The following SIPA1L1 variants were observed in gnomAD, a reference collection of about 807,000 sequenced individuals.
SIPA1L1 encodes the protein signal induced proliferation associated 1 like 1.
A neutral mutation model predicts 162.7 loss-of-function variants in SIPA1L1; 26 were observed. That is an observed-to-expected ratio of 0.16 (90% CI 0.12 to 0.22). The LOEUF (loss-of-function observed/expected upper bound fraction) is 0.22. SIPA1L1 is among the 10% of genes least tolerant of loss of function. The pLI, the probability that SIPA1L1 is intolerant of heterozygous loss-of-function variation, is 1.00. For synonymous variants in SIPA1L1, 829 were observed against 837.4 expected (o/e 0.99, Z 0.17); for missense variants, 1,874 against 2,241.0 (o/e 0.84, Z 3.31).
intron 2 of SIPA1L1, among the ~76,000 whole-genome samples, chr14:71,475,082 T>C (rs1025466150): frequency 6.6e-6 from 1 of 152,226 alleles, no homozygotes; most frequent in East Asian, 1.9e-4. Context: ...CCCTGTTTAT[T>C]GTTGACATGT....
intron 2 of SIPA1L1, among the ~76,000 whole-genome samples, chr14:71,344,057 C>T (rs2035916446): frequency 6.6e-6 from 1 of 152,184 alleles, no homozygotes; most frequent in African/African-American, 2.4e-5. Context: ...AAGGAAAAAA[C>T]ATTTTTTTTG....
chr14:71,719,773 T>C (rs184397873), intron 17 of SIPA1L1, among the ~76,000 whole-genome samples: 2 of 152,312 alleles, frequency 1.3e-5, no homozygotes, highest in Non-Finnish European at 2.9e-5. Context: ...ATTACAGACA[T>C]GAGACACTGC....
intron 2 of SIPA1L1, among the ~76,000 whole-genome samples, chr14:71,336,547 G>A (rs1198174739): frequency 6.6e-6 from 1 of 152,098 alleles, no homozygotes; most frequent in African/African-American, 2.4e-5. Context: ...TGGTGGTAAT[G>A]TTACAGATTT....
At chr14:71,436,722 T>G (rs1000901233) in intron 2 of SIPA1L1, among the ~76,000 whole-genome samples, 1 of 151,970 alleles carries the variant, frequency 6.6e-6, no homozygotes, top group African/African-American at 2.4e-5. Context: ...TCATTGTTCT[T>G]GTTTATTTTC....
intron 2 of SIPA1L1, among the ~76,000 whole-genome samples, chr14:71,365,657 C>T (rs1222781047): frequency 6.6e-6 from 1 of 151,838 alleles, no homozygotes; most frequent in Non-Finnish European, 1.5e-5. Context: ...TGCATTCTTC[C>T]TTCAACTATG....
chr14:71,559,584 A>G (rs1403612147), intron 4 of SIPA1L1, among the ~76,000 whole-genome samples: 1 of 152,184 alleles, frequency 6.6e-6, no homozygotes, highest in African/African-American at 2.4e-5. Context: ...ACACTGTAAC[A>G]TTTTCTTTAC....
intron 4 of SIPA1L1, among the ~76,000 whole-genome samples, chr14:71,555,252 A>G (rs898084676): frequency 2.0e-5 from 3 of 152,316 alleles, no homozygotes; most frequent in Admixed American, 2.0e-4. Flanking sequence ...TAGTCACCTT[A>G]TCAATCATTT....
At chr14:71,460,036 A>G (rs1412924909) in intron 2 of SIPA1L1, among the ~76,000 whole-genome samples, 5 of 152,244 alleles carry the variant, frequency 3.3e-5, no homozygotes, top group Non-Finnish European at 5.9e-5. Flanking sequence ...TAATACATAA[A>G]TGCTGATATG....
At chr14:71,371,052 A>G (rs1309564181) in intron 2 of SIPA1L1, among the ~76,000 whole-genome samples, 3 of 152,076 alleles carry the variant, frequency 2.0e-5, no homozygotes, top group Admixed American at 2.0e-4. Flanking sequence ...TAAATGGGGG[A>G]AGTTGATCTT....
intron 2 of SIPA1L1, among the ~76,000 whole-genome samples, chr14:71,353,921 AT>A (rs1445540621): frequency 2.0e-5 from 3 of 152,116 alleles, no homozygotes; most frequent in African/African-American, 4.8e-5. Context: ...TGTAATCTTA[AT>A]TTTTTTCAGC....
chr14:71,337,313 G>A (rs1435055268), intron 2 of SIPA1L1, among the ~76,000 whole-genome samples: 2 of 152,076 alleles, frequency 1.3e-5, no homozygotes, highest in Admixed American at 6.6e-5. Flanking sequence ...GGCCAGGTGC[G>A]GTGGTTCACA....
intron 2 of SIPA1L1, among the ~76,000 whole-genome samples, chr14:71,472,441 G>A (rs1178516715): frequency 1.3e-5 from 2 of 151,792 alleles, no homozygotes; most frequent in African/African-American, 2.4e-5. Context: ...TAAAAGATTG[G>A]GGGGAAATAA....
At chr14:71,499,383 T>C (rs2050025218) in intron 2 of SIPA1L1, among the ~76,000 whole-genome samples, 1 of 152,152 alleles carries the variant, frequency 6.6e-6, no homozygotes, top group African/African-American at 2.4e-5. Context: ...AAAAGGAAAC[T>C]CTTCCTATGT....
At position 71,589,386 on chromosome 14, in the gene SIPA1L1, T is replaced by C; in HGVS notation, c.1498+16T>C. On this transcript the variant is annotated intron_variant, in intron 5 of 23. Transcript: ENST00000381232. ...TACCAGAAGGGTAAGTAGAGATCCT[T>C]TATTTCTTACATTTTCTTTTGCAGT... 6.6e-7 allele frequency: 1 copy of C among 1,524,498 alleles called. No individual in the cohort carries two copies. Among genetic ancestry groups the C allele is most frequent in the African/African-American group, 1.4e-5 (1 of 72,580 alleles). The allele number at this position is 1,524,498 out of a possible 1,614,324, so 94.4% of individuals were successfully genotyped here.
intron 4 of SIPA1L1, among the ~76,000 whole-genome samples, chr14:71,580,194 G>A (rs761383837): frequency 2.6e-5 from 4 of 152,150 alleles, no homozygotes; most frequent in Non-Finnish European, 4.4e-5. Context: ...CCCAGTATGC[G>A]ATTCCTTGAG....
chr14:71,721,447 C>G (rs2083724384), intron 17 of SIPA1L1, among the ~76,000 whole-genome samples: 1 of 152,188 alleles, frequency 6.6e-6, no homozygotes, highest in Admixed American at 6.5e-5. Flanking sequence ...TGGCTACCAC[C>G]AATGATTACT....
At chr14:71,407,750 C>A (rs1315387904) in intron 2 of SIPA1L1, among the ~76,000 whole-genome samples, 3 of 152,178 alleles carry the variant, frequency 2.0e-5, no homozygotes, top group Non-Finnish European at 4.4e-5. Flanking sequence ...TTTGTATGTC[C>A]TTTTATTTCT....
chr14:71,373,514 A>G (rs1043187841), intron 2 of SIPA1L1, among the ~76,000 whole-genome samples: 3 of 151,126 alleles, frequency 2.0e-5, no homozygotes, highest in African/African-American at 7.3e-5. Flanking sequence ...AATCCCAGCT[A>G]CCCGGGAGGC....
intron 5 of SIPA1L1, among the ~76,000 whole-genome samples, chr14:71,591,746 T>C (rs944141209): frequency 2.6e-5 from 4 of 152,224 alleles, no homozygotes; most frequent in African/African-American, 9.6e-5. Flanking sequence ...AATTCTTAAT[T>C]GTGTTAATAG....
Sources: allele counts gnomAD v4.1 joint callset (sites outside exome capture counted in the v4.1 genomes callset), GRCh38; gene constraint gnomAD v4.1.1; transcripts MANE v1.5; gene names NCBI Gene and HGNC (gene_info 2026-07-23, HGNC 2026-07-21).